The following KDM6A variants were observed in gnomAD, a reference collection of about 807,000 sequenced individuals.
The protein encoded by KDM6A is lysine-specific demethylase 6A.
In KDM6A, 11 loss-of-function variants were observed where a neutral mutation model predicts 117.6. The observed-to-expected ratio is 0.09, with a 90% CI of 0.06 to 0.15. The LOEUF (loss-of-function observed/expected upper bound fraction) is 0.15. Among genes scored for constraint, KDM6A ranks in the 10% least tolerant of loss-of-function variants. The probability of loss-of-function intolerance (pLI) is 1.00; values close to 1 mark genes in which losing one functional copy is unlikely to be tolerated. For synonymous variants in KDM6A, 384 were observed against 396.1 expected, an observed-to-expected ratio of 0.97 and a Z score of 0.36; for missense variants, 799 against 1,077.3, an observed-to-expected ratio of 0.74 and a Z score of 3.62.
chrX:45,038,481 TA>T (rs1173004266), intron 8 of KDM6A, among the ~76,000 whole-genome samples: 2 of 110,758 alleles, frequency 1.8e-5, no homozygotes, highest in African/African-American at 3.3e-5. Flanking sequence ...TCCTTCACTT[TA>T]AAAAACTTTT....
chrX:45,085,011 CTATTGGT>C (rs1569538756), intron 24 of KDM6A, among the ~76,000 whole-genome samples: 2 of 111,605 alleles, frequency 1.8e-5, no homozygotes, highest in Admixed American at 1.9e-4. Context: ...AGGATTAGAA[CTATTGGT>C]TATAATTGTT....
At chrX:44,881,156 CG>C (rs1332505179) in intron 2 of KDM6A, among the ~76,000 whole-genome samples, 2 of 112,816 alleles carry the variant, frequency 1.8e-5, no homozygotes, top group Admixed American at 9.4e-5. Context: ...TAACCTGGGC[CG>C]GGCGCGGTGG....
In KDM6A at chrX:45,060,593, C is replaced by T. The variant is rs1220338731; in HGVS notation, c.1330-16C>T. 4 of 1,040,157 alleles carry T rather than the reference C, an allele frequency of 3.8e-6. No homozygotes were observed. The highest frequency in any genetic ancestry group is 3.1e-5 in the Admixed American group (1 of 32,051). The allele number at this position is 1,040,157 out of a possible 1,213,427, so 85.7% of individuals were successfully genotyped here. A position where few individuals can be genotyped will look rare whatever the true frequency, so the allele number is the denominator to read the frequency against. ...TATATAGAACCCTATTTTTGTCTTCCTTCTGTGATTCTTAGGCATGTAAAC... is the reference window on the plus strand; with the variant it reads ...TATATAGAACCCTATTTTTGTCTTCTTTCTGTGATTCTTAGGCATGTAAAC... On this transcript the variant is annotated splice_polypyrimidine_tract_variant and intron_variant, in intron 13 of 29. Coordinates refer to ENST00000611820, the MANE Select transcript of KDM6A (RefSeq NM_001291415.2).
rs190749830 is a variant in KDM6A, at chrX:45,002,689, C to G, written c.385-8272C>G. Among the ~76,000 whole-genome samples, 500 of 111,634 alleles carry G rather than the reference C, an allele frequency of 4.5e-3. 8 individuals are homozygous for G. Among genetic ancestry groups the G allele is most frequent in the African/African-American group, 0.015 (473 of 30,745 alleles). On this transcript the variant is annotated intron_variant, in intron 4 of 29. Transcript: ENST00000611820. Reference sequence around the variant, plus strand: ...CTTTTAAATTATATAACATTTCTTGCATAAATTCCCTTTTATAACATTTTT... The same window carrying G: ...CTTTTAAATTATATAACATTTCTTGGATAAATTCCCTTTTATAACATTTTT...
At position 44,894,880 on chromosome X, in the gene KDM6A, G is replaced by A. The variant is rs1165448879; in HGVS notation, c.225+20893G>A. Among the ~76,000 whole-genome samples the A allele has an allele frequency of 3.7e-5, 4 of 107,787 alleles. No individual in the cohort carries two copies. The Admixed American group carries it at 4.0e-4, about 11-fold the overall frequency. 93.6% of individuals were successfully genotyped at this position (107,787 alleles called of 115,157 possible). On this transcript the variant is annotated intron_variant, in intron 2 of 29. Transcript: ENST00000611820. ...GCTCCCGGGTTCAAGTGATTCTCCC[G>A]CCTCAGCCCCCGAGTAGCTGGGATT...
intron 2 of KDM6A, 40 bp from the exon 3 acceptor site, chrX:44,961,243 CT>C: frequency 2.0e-6 from 2 of 979,141 alleles, no homozygotes. Context: ...TATTTTAGGG[CT>C]TTATTTTTTG....
rs992895413 is a variant in KDM6A, at chrX:44,900,295, C to T, written c.225+26308C>T. Among the ~76,000 whole-genome samples the T allele has an allele frequency of 2.2e-4, 25 of 111,657 alleles. No individual in the cohort carries two copies. In the East Asian group the frequency reaches 2.8e-3, roughly 12 times the overall value. On this transcript the variant is annotated intron_variant, in intron 2 of 29. Transcript: ENST00000611820. ...TTAGGAGTAGGAAGGAGAGGCGGTA[C>T]GTACAGATATGTTTCTGTATGAATT...
intron 2 of KDM6A, among the ~76,000 whole-genome samples, chrX:44,880,435 T>C (rs914305160): frequency 1.9e-5 from 2 of 106,223 alleles, no homozygotes; most frequent in African/African-American, 7.0e-5. Flanking sequence ...TAAACTGTTT[T>C]ATAGATTTCT....
At chrX:44,888,475 AT>A (rs893551874) in intron 2 of KDM6A, among the ~76,000 whole-genome samples, 3 of 112,173 alleles carry the variant, frequency 2.7e-5, no homozygotes, top group Admixed American at 1.9e-4. Context: ...TTTCATTTGT[AT>A]TTTTAGGGTT....
rs200280427 is a variant in KDM6A, at chrX:45,071,107, AGTT to A, written c.2858+756_2858+758del. Reference sequence around the variant, plus strand: ...TATATAATTTTTCTCATTTACTTGTAGTTGTTGTCCTCTATAAGTGACTAAATC... The same window carrying A: ...TATATAATTTTTCTCATTTACTTGTAGTTGTCCTCTATAAGTGACTAAATC... On this transcript the variant is annotated intron_variant, in intron 18 of 29. Coordinates refer to ENST00000611820, the MANE Select transcript of KDM6A (RefSeq NM_001291415.2). Among the ~76,000 whole-genome samples, 496 of 112,417 alleles carry A rather than the reference AGTT, an allele frequency of 4.4e-3. 8 individuals are homozygous for A. The highest frequency in any genetic ancestry group is 0.015 in the African/African-American group (470 of 30,972).
rs747662612 is a variant in KDM6A, at chrX:44,895,488, C to T, written c.225+21501C>T. ...TTTTTTTTTTTTATTCTGCTGTTCT[C>T]CTGGCTTCAATTTTATTGATTTCTT... On this transcript the variant is annotated intron_variant, in intron 2 of 29. Transcript: ENST00000611820. Among the ~76,000 whole-genome samples, 84 of 97,065 alleles carry T rather than the reference C, an allele frequency of 8.7e-4. 1 individual carries two copies. Among genetic ancestry groups the T allele is most frequent in the Middle Eastern group, 5.4e-3 (1 of 185 alleles). 84.3% of individuals were successfully genotyped at this position (97,065 alleles called of 115,157 possible). A position where few individuals can be genotyped will look rare whatever the true frequency, so the allele number is the denominator to read the frequency against.
intron 5 of KDM6A, among the ~76,000 whole-genome samples, chrX:45,016,503 G>GTTTA (rs973146582): frequency 2.1e-5 from 2 of 95,482 alleles, no homozygotes; most frequent in African/African-American, 3.8e-5. Flanking sequence ...GTATGTATTT[G>GTTTA]TTTATTTATT....
In KDM6A at chrX:44,873,919, C is replaced by T. The variant is rs2031150101; in HGVS notation, c.162-5C>T. ...TTAACGAGTAAACTGTGTCTGTCTC[C>T]ACAGCCGCCTCTTTGGGTTCGTGAG... On this transcript the variant is annotated splice_region_variant and splice_polypyrimidine_tract_variant and intron_variant, in intron 1 of 29. Coordinates refer to ENST00000611820, the MANE Select transcript of KDM6A (RefSeq NM_001291415.2). 8.3e-7 allele frequency: 1 copy of T among 1,208,957 alleles called. No individual in the cohort carries two copies. Among genetic ancestry groups the T allele is most frequent in the South Asian group, 1.8e-5 (1 of 56,788 alleles).
At chrX:44,895,998 G>A (rs1380470723) in intron 2 of KDM6A, among the ~76,000 whole-genome samples, 1 of 109,623 alleles carries the variant, frequency 9.1e-6, no homozygotes, top group Non-Finnish European at 1.9e-5. Context: ...ACTGGTATTG[G>A]TGTTTTACCA....
At chrX:45,067,256 TATG>T (rs1420070674) in intron 17 of KDM6A, among the ~76,000 whole-genome samples, 9 of 112,060 alleles carry the variant, frequency 8.0e-5, no homozygotes, top group African/African-American at 2.9e-4. Context: ...TAATTTAAGA[TATG>T]AAAGTAAAAT....
intron 27 of KDM6A, among the ~76,000 whole-genome samples, chrX:45,099,862 G>A (rs761124815): frequency 2.7e-5 from 3 of 111,000 alleles, no homozygotes; most frequent in South Asian, 3.7e-4. Context: ...GTGAAACCCC[G>A]TCTCTACTAA....
At chrX:45,053,270 A>G (rs2043936987) in intron 9 of KDM6A, among the ~76,000 whole-genome samples, 1 of 109,840 alleles carries the variant, frequency 9.1e-6, no homozygotes, top group African/African-American at 3.3e-5. Flanking sequence ...TGTCTCTACT[A>G]AAAATACAAA....
chrX:45,050,428 T>C (rs1296225171), intron 8 of KDM6A, among the ~76,000 whole-genome samples: 1 of 112,269 alleles, frequency 8.9e-6, no homozygotes, highest in African/African-American at 3.2e-5. Context: ...TGTGTGTAGC[T>C]CCTTAATTGT....
intron 2 of KDM6A, among the ~76,000 whole-genome samples, chrX:44,888,102 C>T (rs2033044182): frequency 9.0e-6 from 1 of 111,280 alleles, no homozygotes; most frequent in Admixed American, 9.6e-5. Context: ...GTTGGGAGTT[C>T]AAGACCAGCC....
Sources: allele counts gnomAD v4.1 joint callset (sites outside exome capture counted in the v4.1 genomes callset), GRCh38; gene constraint gnomAD v4.1.1; transcripts MANE v1.5; gene names NCBI Gene and HGNC (gene_info 2026-07-23, HGNC 2026-07-21).